GLDN: variants seen among roughly 807,000 people sequenced by gnomAD.
The protein encoded by GLDN is gliomedin.
In GLDN, 47 loss-of-function variants were observed where a neutral mutation model predicts 56.5. That is an observed-to-expected ratio of 0.83 (90% CI 0.66 to 1.06). The LOEUF is 1.06. Among genes scored for constraint, GLDN ranks in the 50% least tolerant of loss-of-function variants. GLDN has a pLI of 0.00. For missense variants in GLDN, 782 were observed against 714.3 expected (o/e 1.09, Z -1.08); for synonymous variants, 332 against 278.8 (o/e 1.19, Z -1.90).
intron 1 of GLDN, among the ~76,000 whole-genome samples, chr15:51,359,192 G>A (rs1566937455): frequency 6.6e-6 from 1 of 152,214 alleles, no homozygotes; most frequent in Non-Finnish European, 1.5e-5. Flanking sequence ...GGCCCAGCAC[G>A]AGTGCATGTC....
chr15:51,385,582 G>T (rs987928086), intron 4 of GLDN: 2 of 152,208 alleles, frequency 1.3e-5, no homozygotes, highest in Non-Finnish European at 2.9e-5. Flanking sequence ...GGTGATAAAT[G>T]CTGAGGAGAA....
chr15:51,345,853 C>G (rs1242713085), intron 1 of GLDN, among the ~76,000 whole-genome samples: 1 of 152,090 alleles, frequency 6.6e-6, no homozygotes, highest in East Asian at 1.9e-4. Context: ...TGTTGATAAC[C>G]TACTACTAAA....
chr15:51,390,373 T>C (rs2037991363), intron 4 of GLDN, among the ~76,000 whole-genome samples: 1 of 152,200 alleles, frequency 6.6e-6, no homozygotes, highest in Non-Finnish European at 1.5e-5. Flanking sequence ...CTAACTTAGA[T>C]CTGAAGAGAA....
intron 2 of GLDN, among the ~76,000 whole-genome samples, chr15:51,380,675 C>T (rs2037738816): frequency 6.6e-6 from 1 of 152,190 alleles, no homozygotes; most frequent in African/African-American, 2.4e-5. Flanking sequence ...GGGAATTAGA[C>T]CTGCTGGATT....
chr15:51,354,765 A>G (rs1170920829), intron 1 of GLDN, among the ~76,000 whole-genome samples: 2 of 152,326 alleles, frequency 1.3e-5, no homozygotes, highest in South Asian at 4.1e-4. Context: ...AATGAACCTA[A>G]TGAGGAATTG....
intron 1 of GLDN, among the ~76,000 whole-genome samples, chr15:51,372,174 C>A (rs941899227): frequency 2.6e-5 from 4 of 151,308 alleles, no homozygotes; most frequent in African/African-American, 9.7e-5. Context: ...AGTTCCACTA[C>A]CATGATAACC....
At chr15:51,374,290 T>C (rs1175774699) in intron 1 of GLDN, among the ~76,000 whole-genome samples, 1 of 152,238 alleles carries the variant, frequency 6.6e-6, no homozygotes, top group African/African-American at 2.4e-5. Flanking sequence ...ATGAAGCCAT[T>C]GTGAAGTCTT....
chr15:51,381,651 A>T (rs2037763275), intron 2 of GLDN, among the ~76,000 whole-genome samples: 1 of 152,082 alleles, frequency 6.6e-6, no homozygotes. Flanking sequence ...TCAGATGTGG[A>T]TTCTTGCTCA....
Position 51,342,038 on chromosome 15 carries a change from C to T in GLDN, c.354C>T (p.Ser118=), listed in dbSNP as rs267604249. ...SHDMLMMMTY[S]MVPIRVMVDL... ...ACATGCTGATGATGATGACCTACTCCATGGTGCCGGTAGGCGGGGTCTCTG... is the reference window on the plus strand; with the variant it reads ...ACATGCTGATGATGATGACCTACTCTATGGTGCCGGTAGGCGGGGTCTCTG... The change falls in exon 1 of 10, where the codon TCC becomes TCT. Residue 118 remains serine (S), a synonymous_variant. Coordinates refer to ENST00000335449, the MANE Select transcript of GLDN (RefSeq NM_181789.4). The T allele has an allele frequency of 3.3e-5, 52 of 1,593,424 alleles. 1 individual carries two copies. The South Asian group carries it at 5.5e-4, about 17-fold the overall frequency.
chr15:51,381,734 G>GGA (rs1421263302), intron 2 of GLDN, among the ~76,000 whole-genome samples: 6 of 151,054 alleles, frequency 4.0e-5, no homozygotes, highest in African/African-American at 1.5e-4. Flanking sequence ...CCACAAGCTT[G>GGA]TCACTGAGTT....
At chr15:51,381,221 G>A (rs989113623) in intron 2 of GLDN, among the ~76,000 whole-genome samples, 3 of 152,182 alleles carry the variant, frequency 2.0e-5, no homozygotes, top group South Asian at 2.1e-4. Context: ...ATGCATGGAC[G>A]TGGTTATCAG....
At chr15:51,380,385 A>T (rs561523565) in intron 2 of GLDN, among the ~76,000 whole-genome samples, 4 of 152,306 alleles carry the variant, frequency 2.6e-5, no homozygotes, top group African/African-American at 7.2e-5. Flanking sequence ...TTCCTTGAGG[A>T]TGTGCTATTC....
intron 1 of GLDN, among the ~76,000 whole-genome samples, chr15:51,373,428 A>G (rs912001751): frequency 6.6e-5 from 10 of 152,204 alleles, no homozygotes; most frequent in Non-Finnish European, 2.9e-5. Flanking sequence ...TGGATAACTG[A>G]CTATATTTAC....
At position 51,405,079 on chromosome 15, in the gene GLDN, T is replaced by A. The variant is rs545974023; in HGVS notation, c.*325T>A. On this transcript the variant is annotated 3_prime_UTR_variant, in exon 10 of 10. Transcript: ENST00000335449. ...TAATTTGGTGATTCTTGGTGGCTGC[T>A]CTTCTCACAACTTTTATGTATCTGC... 9 of 249,292 alleles carry A rather than the reference T, an allele frequency of 3.6e-5. No individual in the cohort carries two copies. In the South Asian group the frequency reaches 5.8e-4, roughly 16 times the overall value. 15.4% of individuals were successfully genotyped at this position (249,292 alleles called of 1,614,324 possible). A position where few individuals can be genotyped will look rare whatever the true frequency, so the allele number is the denominator to read the frequency against.
chr15:51,344,296 T>G (rs954818336), intron 1 of GLDN, among the ~76,000 whole-genome samples: 2 of 152,134 alleles, frequency 1.3e-5, no homozygotes, highest in African/African-American at 4.8e-5. Context: ...TTCCTATCGA[T>G]AGTAGCTGTG....
chr15:51,383,940 T>C (rs2037830216), intron 4 of GLDN, 48 bp downstream of exon 4: 1 of 1,343,834 alleles, frequency 7.4e-7, no homozygotes, highest in African/African-American at 1.4e-5. Context: ...TTTATCTCCA[T>C]GATTGCATTT....
chr15:51,351,676 C>T lies in GLDN; in HGVS notation c.363+9629C>T, dbSNP rs28670704. ...CCCATGGTACTGCTGCCACCTTCAGCCCTCATGTACCTGTCCTTAGCTCAA... is the reference window on the plus strand; with the variant it reads ...CCCATGGTACTGCTGCCACCTTCAGTCCTCATGTACCTGTCCTTAGCTCAA... On this transcript the variant is annotated intron_variant, in intron 1 of 9. Coordinates refer to ENST00000335449, the MANE Select transcript of GLDN (RefSeq NM_181789.4). Among the ~76,000 whole-genome samples, 328 of 152,318 alleles carry T rather than the reference C, an allele frequency of 2.2e-3. 1 individual carries two copies. The highest frequency in any genetic ancestry group is 7.7e-3 in the African/African-American group (320 of 41,564).
chr15:51,353,017 A>G (rs977815134), intron 1 of GLDN, among the ~76,000 whole-genome samples: 3 of 152,298 alleles, frequency 2.0e-5, no homozygotes, highest in East Asian at 1.9e-4. Context: ...AACCTCCCCA[A>G]TTGCTCCTAT....
chr15:51,380,654 A>G (rs371768974), intron 2 of GLDN, among the ~76,000 whole-genome samples: 3 of 152,134 alleles, frequency 2.0e-5, no homozygotes, highest in South Asian at 2.1e-4. Flanking sequence ...TTCTCTCCTC[A>G]TCTAGCTGCG....
Sources: allele counts gnomAD v4.1 joint callset (sites outside exome capture counted in the v4.1 genomes callset), GRCh38; gene constraint gnomAD v4.1.1; transcripts MANE v1.5; gene names NCBI Gene and HGNC (gene_info 2026-07-23, HGNC 2026-07-21).